The following CSMD3 variants were observed in gnomAD, a reference collection of about 807,000 sequenced individuals.
The protein encoded by CSMD3 is CUB and sushi domain-containing protein 3.
A neutral mutation model predicts 435.2 loss-of-function variants in CSMD3; 177 were observed. The observed-to-expected ratio is 0.41, with a 90% CI of 0.36 to 0.46. The LOEUF (loss-of-function observed/expected upper bound fraction) is 0.46, where lower values mean the gene tolerates loss of function less well. Ranked by LOEUF, CSMD3 falls within the 20% of genes least tolerant of loss-of-function variation. The pLI, the probability that CSMD3 is intolerant of heterozygous loss-of-function variation, is 0.34. For missense variants in CSMD3, 4,265 were observed against 4,504.6 expected, an observed-to-expected ratio of 0.95 and a Z score of 1.52; for synonymous variants, 1,656 against 1,520.5, an observed-to-expected ratio of 1.09 and a Z score of -2.07.
At chr8:112,515,186 A>T (rs189640370) in intron 28 of CSMD3, among the ~76,000 whole-genome samples, 11 of 152,188 alleles carry the variant, frequency 7.2e-5, no homozygotes. Context: ...TGTATAAGCC[A>T]TTTAATATTT....
At chr8:112,456,143 T>G (rs1363500097) in intron 32 of CSMD3, among the ~76,000 whole-genome samples, 2 of 152,090 alleles carry the variant, frequency 1.3e-5, no homozygotes, top group Admixed American at 1.3e-4. Flanking sequence ...GGATTATGTT[T>G]GAAATATTAT....
chr8:112,571,288 T>A (rs1211681600), intron 24 of CSMD3, among the ~76,000 whole-genome samples: 2 of 152,090 alleles, frequency 1.3e-5, no homozygotes, highest in Non-Finnish European at 2.9e-5. Flanking sequence ...ATTACAGGCG[T>A]GAGCCACCAA....
intron 3 of CSMD3, among the ~76,000 whole-genome samples, chr8:113,255,295 A>G (rs960618213): frequency 1.3e-5 from 2 of 152,092 alleles, no homozygotes; most frequent in African/African-American, 4.8e-5. Flanking sequence ...GACTGCCCTC[A>G]TTTTTGGATC....
intron 4 of CSMD3, among the ~76,000 whole-genome samples, chr8:113,155,353 G>A (rs554702429): frequency 3.9e-5 from 6 of 152,074 alleles, no homozygotes; most frequent in East Asian, 3.9e-4. Context: ...CAAGTATAAC[G>A]CTTGACATAT....
chr8:113,270,577 A>G (rs977043241), intron 3 of CSMD3, among the ~76,000 whole-genome samples: 1 of 152,172 alleles, frequency 6.6e-6, no homozygotes, highest in African/African-American at 2.4e-5. Context: ...AACCAATCCA[A>G]ATGTCCAACA....
chr8:113,053,672 C>T (rs1320864497), intron 5 of CSMD3, among the ~76,000 whole-genome samples: 3 of 151,984 alleles, frequency 2.0e-5, no homozygotes, highest in Admixed American at 2.0e-4. Context: ...TGGGCTATTA[C>T]TATATGCACT....
chr8:113,318,119 C>T (rs562717532), intron 1 of CSMD3, among the ~76,000 whole-genome samples: 5 of 152,080 alleles, frequency 3.3e-5, no homozygotes, highest in South Asian at 2.1e-4. Flanking sequence ...TTGATACCTC[C>T]CAAGATGGAA....
chr8:112,730,818 C>T (rs2077058741), intron 13 of CSMD3, among the ~76,000 whole-genome samples: 1 of 152,076 alleles, frequency 6.6e-6, no homozygotes, highest in African/African-American at 2.4e-5. Flanking sequence ...AGGGCTTGCT[C>T]TTGAGCTATA....
intron 27 of CSMD3, among the ~76,000 whole-genome samples, chr8:112,547,130 T>C (rs1412438897): frequency 2.0e-5 from 3 of 152,150 alleles, no homozygotes; most frequent in African/African-American, 7.2e-5. Context: ...AAAACGACAA[T>C]ACTTCCTGAT....
intron 13 of CSMD3, among the ~76,000 whole-genome samples, chr8:112,733,594 A>G: frequency 6.6e-6 from 1 of 152,162 alleles, no homozygotes; most frequent in Non-Finnish European, 1.5e-5. Context: ...TTTGTAAGTT[A>G]GATAGTAACT....
At chr8:113,426,454 C>T (rs528631447) in intron 1 of CSMD3, among the ~76,000 whole-genome samples, 1 of 150,158 alleles carries the variant, frequency 6.7e-6, no homozygotes, top group African/African-American at 2.4e-5. Flanking sequence ...CTCAAATATC[C>T]TTCAAATAAG....
At chr8:112,566,898 C>A (rs1183987636) in intron 24 of CSMD3, among the ~76,000 whole-genome samples, 1 of 152,110 alleles carries the variant, frequency 6.6e-6, no homozygotes, top group Non-Finnish European at 1.5e-5. Flanking sequence ...TCAGACACCA[C>A]CTCATAAGCC....
rs1193538887 is a variant in CSMD3 at position 113,153,111 on chromosome 8, AAG to A, written c.709+20609_709+20610del. Among the ~76,000 whole-genome samples, 70 of 118,506 alleles carry A rather than the reference AAG, an allele frequency of 5.9e-4. 2 individuals are homozygous for A. The highest frequency in any genetic ancestry group is 5.5e-3 in the East Asian group (23 of 4,192). The allele number at this position is 118,506 out of a possible 152,430, so 77.7% of individuals were successfully genotyped here. A position where few individuals can be genotyped will look rare whatever the true frequency, so the allele number is the denominator to read the frequency against. ...AAGAAAGAAAGAAAGAAAAGAAAGA[AAG>A]AAAGAAAGAAAGAGAAAGAAGGAAG... On this transcript the variant is annotated intron_variant, in intron 4 of 70. Coordinates refer to ENST00000297405, the MANE Select transcript of CSMD3 (RefSeq NM_198123.2).
intron 6 of CSMD3, among the ~76,000 whole-genome samples, chr8:112,980,176 C>G (rs1175475567): frequency 6.7e-6 from 1 of 150,330 alleles, no homozygotes; most frequent in East Asian, 2.0e-4. Flanking sequence ...AATTTTTTGT[C>G]CTATAGTTTA....
intron 11 of CSMD3, among the ~76,000 whole-genome samples, chr8:112,851,611 A>G (rs2080490157): frequency 6.6e-6 from 1 of 152,186 alleles, no homozygotes; most frequent in South Asian, 2.1e-4. Flanking sequence ...TAAAAATGCA[A>G]AAATTAGCCA....
rs77120635 is a variant in CSMD3 at position 112,302,656 on chromosome 8, G to A, written c.8267-690C>T. The stretch of plus-strand genomic sequence containing the variant: ...TCATTGGGCTTGTATTATGTACTAG[G>A]TGCTATAGTGTTTTCATTTATGTAA... On this transcript the variant is annotated intron_variant, in intron 52 of 70. Transcript: ENST00000297405. 2.7e-4 allele frequency among the ~76,000 whole-genome samples: 41 copies of A among 151,940 alleles called. No homozygotes were observed. In the East Asian group the frequency reaches 7.7e-3, roughly 29 times the overall value.
At chr8:113,133,074 C>G (rs892161342) in intron 4 of CSMD3, among the ~76,000 whole-genome samples, 6 of 151,896 alleles carry the variant, frequency 4.0e-5, no homozygotes, top group Non-Finnish European at 8.8e-5. Context: ...CAAATAGAAC[C>G]ATGTCAAAAT....
intron 27 of CSMD3, among the ~76,000 whole-genome samples, chr8:112,540,152 C>T (rs1041789788): frequency 6.6e-6 from 1 of 151,848 alleles, no homozygotes; most frequent in Non-Finnish European, 1.5e-5. Flanking sequence ...CAAAATAAGA[C>T]ATACAAATGG....
chr8:112,527,641 TA>T lies in CSMD3; in HGVS notation c.4565-10417del, dbSNP rs948244935. On this transcript the variant is annotated intron_variant, in intron 27 of 70. Transcript: ENST00000297405. ...AGGTAGGTGCACAAGGTATTTTTTT[TA>T]AAAAAACATGTTGGGCTATGGTTTT... Among the ~76,000 whole-genome samples, 13 of 151,932 alleles carry T rather than the reference TA, an allele frequency of 8.6e-5. No homozygotes were observed. In the South Asian group the frequency reaches 2.3e-3, roughly 27 times the overall value.
Sources: gnomAD v4.1 joint callset for allele counts (sites outside exome capture counted in the v4.1 genomes callset) on GRCh38, gnomAD v4.1.1 for gene constraint, MANE v1.5 for transcripts, NCBI Gene and HGNC (gene_info 2026-07-23, HGNC 2026-07-21) for gene names.